The following UQCC1 variants were observed in gnomAD, a reference collection of about 807,000 sequenced individuals.
UQCC1 encodes the protein ubiquinol-cytochrome c reductase complex assembly factor 1, also known as bFGF-repressed Zic-binding protein.
A neutral mutation model predicts 48.0 loss-of-function variants in UQCC1; 38 were observed. The ratio of observed to expected loss-of-function variants is 0.79; its 90% confidence interval spans 0.61 to 1.04. The LOEUF is 1.04. Ranked by LOEUF, UQCC1 falls within the 50% of genes least tolerant of loss-of-function variation. The probability of loss-of-function intolerance (pLI) is 0.00; values close to 1 mark genes in which losing one functional copy is unlikely to be tolerated. For missense variants in UQCC1, 368 were observed against 381.8 expected (o/e 0.96, Z 0.30); for synonymous variants, 111 against 129.2 (o/e 0.86, Z 0.95).
At chr20:35,314,865 A>G in intron 7 of UQCC1, 100 bp from the exon 8 acceptor site, 3 of 841,420 alleles carry the variant, frequency 3.6e-6, no homozygotes, top group Non-Finnish European at 5.3e-6. Flanking sequence ...CTCTTAGTAG[A>G]AGAGAGACGG....
At chr20:35,307,626 C>T (rs1269077756) in intron 8 of UQCC1, among the ~76,000 whole-genome samples, 6 of 152,228 alleles carry the variant, frequency 3.9e-5, no homozygotes, top group Non-Finnish European at 7.4e-5. Context: ...TGTGTGGAAT[C>T]GATGTGCTGA....
intron 1 of UQCC1, among the ~76,000 whole-genome samples, chr20:35,404,104 G>A (rs142884813): frequency 0.017 from 2,590 of 152,150 alleles, 74 homozygotes; most frequent in African/African-American, 0.06. Flanking sequence ...AGGCGTGGCC[G>A]GGCGCAGTGG....
chr20:35,389,788 C>G (rs1188082966), intron 2 of UQCC1, among the ~76,000 whole-genome samples: 1 of 152,124 alleles, frequency 6.6e-6, no homozygotes, highest in Non-Finnish European at 1.5e-5. Context: ...GAAGAACCAT[C>G]AATGCAATTA....
At chr20:35,345,151 A>T (rs546854838) in intron 7 of UQCC1, 1 of 152,194 alleles carries the variant, frequency 6.6e-6, no homozygotes, top group Non-Finnish European at 1.5e-5. Context: ...CCGGTAATGT[A>T]ATAAGTGTTT....
chr20:35,333,116 AT>A (rs200981714), intron 7 of UQCC1, among the ~76,000 whole-genome samples: 14 of 148,662 alleles, frequency 9.4e-5, no homozygotes, highest in Middle Eastern at 6.9e-3. Context: ...AAAAGAGCCA[AT>A]TTTTTTTTTT....
chr20:35,374,829 C>CT (rs1183105167), intron 4 of UQCC1, among the ~76,000 whole-genome samples: 1 of 151,996 alleles, frequency 6.6e-6, no homozygotes, highest in Non-Finnish European at 1.5e-5. Flanking sequence ...AAGAATCAAA[C>CT]TTTTACTATT....
chr20:35,366,711 C>A, intron 5 of UQCC1, 97 bp from the exon 6 acceptor site: 1 of 1,033,158 alleles, frequency 9.7e-7, no homozygotes, highest in Non-Finnish European at 1.5e-6. Flanking sequence ...ATGGTGCTCT[C>A]TGATTATGCT....
At chr20:35,367,868 C>T (rs1382070064) in intron 5 of UQCC1, among the ~76,000 whole-genome samples, 1 of 152,018 alleles carries the variant, frequency 6.6e-6, no homozygotes, top group African/African-American at 2.4e-5. Flanking sequence ...CTGTTCATCA[C>T]CCCCCCAGAA....
chr20:35,363,133 G>A (rs2061626816), intron 6 of UQCC1, among the ~76,000 whole-genome samples: 1 of 151,498 alleles, frequency 6.6e-6, no homozygotes, highest in Non-Finnish European at 1.5e-5. Flanking sequence ...AGATTCATGT[G>A]TCCATTCTGG....
At chr20:35,386,537 TA>T in intron 2 of UQCC1, 1 of 352,688 alleles carries the variant, frequency 2.8e-6, no homozygotes, top group South Asian at 2.2e-5. Flanking sequence ...GCAGGCTTTG[TA>T]AAACACAGAC....
chr20:35,312,255 C>T (rs991491004), intron 8 of UQCC1, among the ~76,000 whole-genome samples: 2 of 152,186 alleles, frequency 1.3e-5, no homozygotes, highest in South Asian at 2.1e-4. Context: ...ACCCATAACC[C>T]CCGAAAGCTC....
In UQCC1 at chr20:35,354,068, T is replaced by C. The variant is rs902889205; in HGVS notation, c.465-6796A>G. On this transcript the variant is annotated intron_variant, in intron 6 of 9. Coordinates refer to ENST00000374385, the MANE Select transcript of UQCC1 (RefSeq NM_018244.5). ...GTATAGGTCTATAGCCTAGGAGCCA[T>C]AGGTCATACCATACATCCTAGGTAT... 3.3e-5 allele frequency among the ~76,000 whole-genome samples: 5 copies of C among 152,176 alleles called. No homozygotes were observed. In the East Asian group the frequency reaches 5.8e-4, roughly 18 times the overall value.
At chr20:35,353,831 A>G (rs2146406213) in intron 6 of UQCC1, among the ~76,000 whole-genome samples, 1 of 152,266 alleles carries the variant, frequency 6.6e-6, no homozygotes, top group South Asian at 2.1e-4. Context: ...TACAGTGTTT[A>G]TAAAGTCTAC....
intron 7 of UQCC1, among the ~76,000 whole-genome samples, chr20:35,327,044 T>C (rs545194644): frequency 1.4e-4 from 21 of 152,260 alleles, no homozygotes; most frequent in African/African-American, 3.9e-4. Context: ...CTAAAATAGA[T>C]ATCATATTGC....
intron 2 of UQCC1, chr20:35,384,665 AG>A (rs2061917100): frequency 1.1e-5 from 5 of 438,616 alleles, no homozygotes; most frequent in African/African-American, 2.1e-5. Flanking sequence ...AAAAAAAAAG[AG>A]AGAGAGAGAG....
chr20:35,325,983 A>G (rs984604089), intron 7 of UQCC1, among the ~76,000 whole-genome samples: 10 of 152,230 alleles, frequency 6.6e-5, no homozygotes, highest in African/African-American at 2.4e-4. Flanking sequence ...CGCCAGCCAC[A>G]TGAAAGAAAG....
intron 1 of UQCC1, among the ~76,000 whole-genome samples, chr20:35,403,222 G>A (rs540779620): frequency 1.4e-4 from 21 of 152,258 alleles, no homozygotes; most frequent in Admixed American, 2.6e-4. Context: ...TCAGAGAAAG[G>A]AGTTAACAAA....
chr20:35,345,234 CG>C (rs2061419903), intron 7 of UQCC1: 1 of 152,232 alleles, frequency 6.6e-6, no homozygotes, highest in Non-Finnish European at 1.5e-5. Flanking sequence ...AATTTATAAT[CG>C]GTTGGCCAGA....
At chr20:35,358,462 A>T (rs1266196514) in intron 6 of UQCC1, among the ~76,000 whole-genome samples, 2 of 151,836 alleles carry the variant, frequency 1.3e-5, no homozygotes, top group South Asian at 2.1e-4. Context: ...AATGAAAAAG[A>T]TTCCTATATT....
Sources: allele counts gnomAD v4.1 joint callset (sites outside exome capture counted in the v4.1 genomes callset), GRCh38; gene constraint gnomAD v4.1.1; transcripts MANE v1.5; gene names NCBI Gene and HGNC (gene_info 2026-07-23, HGNC 2026-07-21).